Variants in PTPRD observed in about 807,000 individuals in gnomAD.
PTPRD encodes receptor-type tyrosine-protein phosphatase delta.
A neutral mutation model predicts 214.5 loss-of-function variants in PTPRD; 34 were observed. That is an observed-to-expected ratio of 0.16 (90% CI 0.12 to 0.21). PTPRD has a LOEUF of 0.21. Ranked by LOEUF, PTPRD falls within the 10% of genes least tolerant of loss-of-function variation. The pLI is 1.00. For missense variants in PTPRD, 2,545 were observed against 2,398.7 expected, an observed-to-expected ratio of 1.06 and a Z score of -1.27; for synonymous variants, 1,128 against 845.7, an observed-to-expected ratio of 1.33 and a Z score of -5.79.
intron 2 of PTPRD, among the ~76,000 whole-genome samples, chr9:10,471,077 T>G (rs947707016): frequency 6.6e-6 from 1 of 152,040 alleles, no homozygotes; most frequent in Non-Finnish European, 1.5e-5. Flanking sequence ...TTCTCACTTA[T>G]AAGCGGGAGT....
intron 14 of PTPRD, among the ~76,000 whole-genome samples, chr9:8,563,519 C>A (rs1443737119): frequency 6.7e-6 from 1 of 149,736 alleles, no homozygotes; most frequent in African/African-American, 2.5e-5. Context: ...TACACTGCAA[C>A]CTCTGCTCAT....
chr9:10,250,302 C>G (rs568854671), intron 3 of PTPRD, among the ~76,000 whole-genome samples: 1 of 152,042 alleles, frequency 6.6e-6, no homozygotes, highest in African/African-American at 2.4e-5. Context: ...TTCTCTGACC[C>G]TTTACTCATC....
At chr9:8,565,087 G>T (rs981063367) in intron 14 of PTPRD, among the ~76,000 whole-genome samples, 3 of 152,058 alleles carry the variant, frequency 2.0e-5, no homozygotes, top group Non-Finnish European at 4.4e-5. Flanking sequence ...ACTCAATGAC[G>T]GGGAGAGACG....
intron 11 of PTPRD, among the ~76,000 whole-genome samples, chr9:8,986,863 GTCA>G (rs1055958013): frequency 6.6e-6 from 1 of 151,928 alleles, no homozygotes; most frequent in Non-Finnish European, 1.5e-5. Flanking sequence ...TTTTTTTTCA[GTCA>G]TCATTATTTG....
chr9:10,105,235 A>T (rs2154219189), intron 3 of PTPRD, among the ~76,000 whole-genome samples: 1 of 151,916 alleles, frequency 6.6e-6, no homozygotes, highest in South Asian at 2.1e-4. Context: ...TGAGGGATTA[A>T]AATTAGTCAA....
rs189472618 is a variant in PTPRD at position 8,476,188 on chromosome 9, G to A, written c.3414-5103C>T. On this transcript the variant is annotated intron_variant, in intron 30 of 45. Coordinates refer to ENST00000381196, the MANE Select transcript of PTPRD (RefSeq NM_002839.4). ...CCACGGACAGGGTGGGGATTGGGGG[G>A]ATGGTTTTGAGATGAAACTGTTCCA... 5.3e-5 allele frequency among the ~76,000 whole-genome samples: 8 copies of A among 152,238 alleles called. No homozygotes were observed. In the East Asian group the frequency reaches 1.5e-3, roughly 29 times the overall value.
At chr9:10,523,033 C>G (rs1430855633) in intron 2 of PTPRD, among the ~76,000 whole-genome samples, 3 of 151,944 alleles carry the variant, frequency 2.0e-5, no homozygotes, top group African/African-American at 7.2e-5. Context: ...ATTCCTCTTA[C>G]AGCCAAACAC....
chr9:9,447,686 C>T (rs2090906145), intron 8 of PTPRD, among the ~76,000 whole-genome samples: 1 of 152,148 alleles, frequency 6.6e-6, no homozygotes, highest in Middle Eastern at 3.4e-3. Flanking sequence ...AAATTTAGTT[C>T]TCAAGGGACT....
intron 3 of PTPRD, among the ~76,000 whole-genome samples, chr9:10,297,966 G>C (rs1227073379): frequency 6.6e-6 from 1 of 152,038 alleles, no homozygotes; most frequent in Non-Finnish European, 1.5e-5. Flanking sequence ...ACACGTCTAA[G>C]GAATATGGGC....
At chr9:10,574,873 C>G (rs988923603) in intron 2 of PTPRD, among the ~76,000 whole-genome samples, 4 of 145,638 alleles carry the variant, frequency 2.7e-5, no homozygotes, top group African/African-American at 1.0e-4. Flanking sequence ...AAATAATTAC[C>G]TAAAGAAATT....
intron 41 of PTPRD, 143 bp from the exon 42 acceptor site, chr9:8,340,612 A>C: frequency 1.2e-6 from 1 of 809,062 alleles, no homozygotes. Flanking sequence ...GCTAAGATTA[A>C]ATAATCAAAT....
At chr9:8,348,483 A>C (rs886501806) in intron 39 of PTPRD, among the ~76,000 whole-genome samples, 1 of 152,038 alleles carries the variant, frequency 6.6e-6, no homozygotes, top group African/African-American at 2.4e-5. Flanking sequence ...CTCTAAATAC[A>C]TTGCTTCACG....
At chr9:8,880,355 G>A (rs7846894) in intron 11 of PTPRD, among the ~76,000 whole-genome samples, 63,616 of 151,908 alleles carry the variant, frequency 0.42, 13,781 homozygotes, top group African/African-American at 0.52. Flanking sequence ...TAGGTCTGGC[G>A]CATCCTCCCT....
Position 10,301,173 on chromosome 9 carries a change from G to T in PTPRD, c.-545+39790C>A, listed in dbSNP as rs527914815. Among the ~76,000 whole-genome samples the T allele has an allele frequency of 6.5e-4, 99 of 152,268 alleles. 1 individual carries two copies. The highest frequency in any genetic ancestry group is 1.2e-4 in the Non-Finnish European group (8 of 68,022). On this transcript the variant is annotated intron_variant, in intron 3 of 45. Transcript: ENST00000381196. ...AACTCCAGCAGACCTACAGCAGAGG[G>T]GGGTGACTGTTAGGAGGAAAACTAA...
intron 11 of PTPRD, among the ~76,000 whole-genome samples, chr9:8,812,277 G>C (rs1420584716): frequency 6.6e-6 from 1 of 151,958 alleles, no homozygotes; most frequent in Non-Finnish European, 1.5e-5. Flanking sequence ...TATATTTATA[G>C]GTCTACACAT....
chr9:8,651,696 A>T (rs2096813294), intron 12 of PTPRD, among the ~76,000 whole-genome samples: 4 of 152,200 alleles, frequency 2.6e-5, no homozygotes, highest in Non-Finnish European at 5.9e-5. Context: ...AAATTTAAAA[A>T]ATCAACTCAA....
At chr9:8,331,258 A>AAGCAAATATGAAAT (rs1165198587) in intron 44 of PTPRD, among the ~76,000 whole-genome samples, 9 of 152,176 alleles carry the variant, frequency 5.9e-5, no homozygotes, top group African/African-American at 2.2e-4. Context: ...ATGAAAGCAA[A>AAGCAAATATGAAAT]AGCAAATATG....
intron 4 of PTPRD, among the ~76,000 whole-genome samples, chr9:9,986,450 T>A (rs1300733646): frequency 6.6e-6 from 1 of 152,102 alleles, no homozygotes; most frequent in Non-Finnish European, 1.5e-5. Flanking sequence ...GACATGTGAT[T>A]AAGAACTATA....
chr9:8,697,210 C>T (rs932207589), intron 12 of PTPRD, among the ~76,000 whole-genome samples: 6 of 151,888 alleles, frequency 4.0e-5, no homozygotes, highest in African/African-American at 7.3e-5. Flanking sequence ...ACTGACTATA[C>T]GTAGGGAAGG....
Sources: gnomAD v4.1 joint callset for allele counts (sites outside exome capture counted in the v4.1 genomes callset) on GRCh38, gnomAD v4.1.1 for gene constraint, MANE v1.5 for transcripts, NCBI Gene and HGNC (gene_info 2026-07-23, HGNC 2026-07-21) for gene names.